HPSE2: variants seen among roughly 807,000 people sequenced by gnomAD.
HPSE2 encodes the protein inactive heparanase-2.
A neutral mutation model predicts 60.5 loss-of-function variants in HPSE2; 38 were observed. The ratio of observed to expected loss-of-function variants is 0.63; its 90% confidence interval spans 0.48 to 0.82. HPSE2 has a LOEUF of 0.82. Ranked by LOEUF, HPSE2 falls within the 40% of genes least tolerant of loss-of-function variation. HPSE2 has a pLI of 0.00. For missense variants in HPSE2, 713 were observed against 740.4 expected, an observed-to-expected ratio of 0.96 and a Z score of 0.43; for synonymous variants, 295 against 293.2, an observed-to-expected ratio of 1.01 and a Z score of -0.06.
At chr10:99,213,300 A>C (rs1261346792) in intron 2 of HPSE2, among the ~76,000 whole-genome samples, 1 of 151,746 alleles carries the variant, frequency 6.6e-6, no homozygotes, top group South Asian at 2.1e-4. Flanking sequence ...GAACAAGAAG[A>C]AAAAAAAATT....
intron 3 of HPSE2, among the ~76,000 whole-genome samples, chr10:98,980,988 C>T (rs781036482): frequency 2.0e-5 from 3 of 152,068 alleles, no homozygotes; most frequent in Non-Finnish European, 4.4e-5. Context: ...TAAATTCTCA[C>T]AATTTTAGTA....
intron 3 of HPSE2, among the ~76,000 whole-genome samples, chr10:98,902,407 C>T (rs1953691627): frequency 6.6e-6 from 1 of 152,054 alleles, no homozygotes. Flanking sequence ...GAGTTTAAAG[C>T]CCAAGATCTC....
At position 98,886,801 on chromosome 10, in the gene HPSE2, C is replaced by T. The variant is rs554631464; in HGVS notation, c.611-142745G>A. Among the ~76,000 whole-genome samples, 15 of 152,184 alleles carry T rather than the reference C, an allele frequency of 9.9e-5. No individual in the cohort carries two copies. The South Asian group carries it at 2.9e-3, about 29-fold the overall frequency. ...TTAAAGTAGAGTAGGGCTGGTAGAG[C>T]TCTAGGAGAGCTTCCTCAATTCAAC... On this transcript the variant is annotated intron_variant, in intron 3 of 11. Transcript: ENST00000370552.
At chr10:98,895,710 A>C (rs1448093052) in intron 3 of HPSE2, among the ~76,000 whole-genome samples, 1 of 151,410 alleles carries the variant, frequency 6.6e-6, no homozygotes, top group Non-Finnish European at 1.5e-5. Context: ...GATAGACTGG[A>C]TTAAGAAAAT....
intron 2 of HPSE2, among the ~76,000 whole-genome samples, chr10:99,229,680 A>G (rs938472434): frequency 7.2e-5 from 11 of 152,264 alleles, no homozygotes; most frequent in African/African-American, 2.4e-4. Flanking sequence ...TCCAAATTCC[A>G]TTTTCTCTTC....
chr10:99,312,841 C>T, the HPSE2 span, among the ~76,000 whole-genome samples: 1 of 152,198 alleles, frequency 6.6e-6, no homozygotes, highest in Non-Finnish European at 1.5e-5. Context: ...TAGATGTAAA[C>T]CTCATGTTGA....
intron 3 of HPSE2, among the ~76,000 whole-genome samples, chr10:98,947,565 T>C (rs1054263083): frequency 6.6e-6 from 1 of 152,110 alleles, no homozygotes; most frequent in African/African-American, 2.4e-5. Context: ...CCTGAACAGA[T>C]TTTTGGTGCA....
chr10:98,862,665 T>C (rs184833989), intron 3 of HPSE2, among the ~76,000 whole-genome samples: 1 of 152,260 alleles, frequency 6.6e-6, no homozygotes, highest in East Asian at 1.9e-4. Flanking sequence ...AACATCGGAA[T>C]TGTACATGAA....
chr10:99,301,599 G>A, the HPSE2 span, among the ~76,000 whole-genome samples: 1 of 152,184 alleles, frequency 6.6e-6, no homozygotes, highest in African/African-American at 2.4e-5. Flanking sequence ...TATCAGCAGT[G>A]TGAAAATGGA....
chr10:98,808,233 C>A (rs1249140895), intron 3 of HPSE2, among the ~76,000 whole-genome samples: 2 of 152,070 alleles, frequency 1.3e-5, no homozygotes, highest in Non-Finnish European at 2.9e-5. Flanking sequence ...TCATCATCAC[C>A]CCCTCAAACC....
At chr10:98,552,293 GATC>G (rs6144046) in intron 9 of HPSE2, among the ~76,000 whole-genome samples, 8,344 of 151,206 alleles carry the variant, frequency 0.055, 264 homozygotes, top group South Asian at 0.087. Context: ...GTGTAATGGA[GATC>G]ATCATCATCA....
chr10:98,458,095 T>C lies in HPSE2; in HGVS notation c.*1479A>G, dbSNP rs1249857992. On this transcript the variant is annotated 3_prime_UTR_variant, in exon 12 of 12. Coordinates refer to ENST00000370552, the MANE Select transcript of HPSE2 (RefSeq NM_021828.5). ...CCCTTCCATCTCTCACTTTGCAGAC[T>C]TGGCCCAAATCCTTAACTCCGTGTG... is the stretch of plus-strand genomic sequence containing the variant. 2 of 152,066 alleles carry C rather than the reference T, an allele frequency of 1.3e-5. No individual in the cohort carries two copies. Among genetic ancestry groups the C allele is most frequent in the East Asian group, 3.9e-4 (2 of 5,138 alleles). 9.4% of individuals were successfully genotyped at this position (152,066 alleles called of 1,614,324 possible).
chr10:98,550,230 T>C (rs1383215542), intron 9 of HPSE2, among the ~76,000 whole-genome samples: 1 of 152,190 alleles, frequency 6.6e-6, no homozygotes, highest in Non-Finnish European at 1.5e-5. Flanking sequence ...CCTAGTAAAC[T>C]TCTTTAGCTT....
At chr10:98,953,936 T>C (rs1458134783) in intron 3 of HPSE2, among the ~76,000 whole-genome samples, 1 of 152,212 alleles carries the variant, frequency 6.6e-6, no homozygotes, top group Non-Finnish European at 1.5e-5. Context: ...ATGCTGATTA[T>C]ACTACCAAAT....
At chr10:99,153,101 A>G (rs1212456932) in intron 2 of HPSE2, among the ~76,000 whole-genome samples, 1 of 152,230 alleles carries the variant, frequency 6.6e-6, no homozygotes. Flanking sequence ...GGAGGGTCCT[A>G]CGCCCACGGA....
intron 9 of HPSE2, among the ~76,000 whole-genome samples, chr10:98,533,776 G>C (rs373942520): frequency 1.3e-5 from 2 of 152,142 alleles, no homozygotes; most frequent in African/African-American, 4.8e-5. Context: ...TTTGAAAATC[G>C]GACAGAACAA....
rs186458244 is a variant in HPSE2, at chr10:98,789,684, G to A, written c.611-45628C>T. On this transcript the variant is annotated intron_variant, in intron 3 of 11. Coordinates refer to ENST00000370552, the MANE Select transcript of HPSE2 (RefSeq NM_021828.5). ...GCAGATCCTAAAGGAGATGACAGCC[G>A]GAAGCTGTCTATTGACCTCATTTCT... 7.2e-5 allele frequency among the ~76,000 whole-genome samples: 11 copies of A among 152,260 alleles called. No homozygotes were observed. In the South Asian group the frequency reaches 8.3e-4, roughly 11 times the overall value.
intron 9 of HPSE2, among the ~76,000 whole-genome samples, chr10:98,545,107 G>A (rs1943621412): frequency 6.6e-6 from 1 of 152,194 alleles, no homozygotes; most frequent in Non-Finnish European, 1.5e-5. Flanking sequence ...AAACCAGGAA[G>A]AAGTTGAATC....
chr10:98,837,032 G>A (rs1333605029), intron 3 of HPSE2, among the ~76,000 whole-genome samples: 4 of 152,254 alleles, frequency 2.6e-5, no homozygotes, highest in East Asian at 3.9e-4. Flanking sequence ...GCAACAGAGC[G>A]AGACTCTGTC....
Sources: allele counts gnomAD v4.1 joint callset (sites outside exome capture counted in the v4.1 genomes callset), GRCh38; gene constraint gnomAD v4.1.1; transcripts MANE v1.5; gene names NCBI Gene and HGNC (gene_info 2026-07-23, HGNC 2026-07-21).